The following TRHDE variants were observed in gnomAD, a reference collection of about 807,000 sequenced individuals.
The protein encoded by TRHDE is thyrotropin releasing hormone degrading enzyme.
In TRHDE, 72 loss-of-function variants were observed where a neutral mutation model predicts 125.7. That is an observed-to-expected ratio of 0.57 (90% confidence interval 0.47 to 0.70). The LOEUF is 0.70. Ranked by LOEUF, TRHDE falls within the 30% of genes least tolerant of loss-of-function variation. The probability of loss-of-function intolerance (pLI) is 0.00; values close to 1 mark genes in which losing one functional copy is unlikely to be tolerated. For synonymous variants in TRHDE, 509 were observed against 509.1 expected (o/e 1.00, Z 0.00); for missense variants, 1,110 against 1,327.1 (o/e 0.84, Z 2.54).
chr12:72,483,967 A>C (rs1342663356), intron 5 of TRHDE, among the ~76,000 whole-genome samples: 1 of 152,096 alleles, frequency 6.6e-6, no homozygotes, highest in Non-Finnish European at 1.5e-5. Flanking sequence ...TATTTATTTT[A>C]TAAATTAAAA....
intron 2 of TRHDE, among the ~76,000 whole-genome samples, chr12:72,138,367 G>A (rs978007504): frequency 1.3e-5 from 2 of 151,710 alleles, no homozygotes; most frequent in Non-Finnish European, 2.9e-5. Flanking sequence ...GCAAGACTCC[G>A]TTTCAAAAAA....
intron 15 of TRHDE, among the ~76,000 whole-genome samples, chr12:72,624,376 A>G (rs140784712): frequency 3.6e-4 from 54 of 152,098 alleles, no homozygotes; most frequent in African/African-American, 1.3e-3. Flanking sequence ...ACTAGAGGTA[A>G]TGTAGTAGTA....
intron 2 of TRHDE, among the ~76,000 whole-genome samples, chr12:72,179,086 G>A (rs1877045452): frequency 6.6e-6 from 1 of 152,086 alleles, no homozygotes; most frequent in Non-Finnish European, 1.5e-5. Flanking sequence ...GGTGACTGAT[G>A]TAATAAAAGC....
intron 5 of TRHDE, among the ~76,000 whole-genome samples, chr12:72,476,255 GC>G (rs1592473763): frequency 6.6e-6 from 1 of 152,102 alleles, no homozygotes; most frequent in Admixed American, 6.6e-5. Context: ...CTATTTGATT[GC>G]TTTTGCTTTT....
At chr12:72,227,753 T>TGGG (rs1252264189) in intron 2 of TRHDE, among the ~76,000 whole-genome samples, 1 of 152,112 alleles carries the variant, frequency 6.6e-6, no homozygotes, top group East Asian at 1.9e-4. Flanking sequence ...CTAGATACAA[T>TGGG]GGGGGTACAG....
chr12:72,605,325 T>C (rs1417062286), intron 12 of TRHDE, among the ~76,000 whole-genome samples: 1 of 152,134 alleles, frequency 6.6e-6, no homozygotes, highest in Non-Finnish European at 1.5e-5. Flanking sequence ...TAAAATAAGC[T>C]GTTAGCATTA....
At chr12:72,436,784 C>T (rs1345745947) in intron 3 of TRHDE, among the ~76,000 whole-genome samples, 3 of 151,726 alleles carry the variant, frequency 2.0e-5, no homozygotes, top group Admixed American at 6.6e-5. Flanking sequence ...TTGGTGCTTT[C>T]CAGGAAACAT....
chr12:72,454,193 T>C (rs1436053702), intron 3 of TRHDE, among the ~76,000 whole-genome samples: 12 of 152,058 alleles, frequency 7.9e-5, no homozygotes, highest in Admixed American at 6.6e-5. Flanking sequence ...TTTGTTTTTT[T>C]TTAAAAAAAA....
intron 2 of TRHDE, among the ~76,000 whole-genome samples, chr12:72,128,908 C>T (rs1031209609): frequency 6.6e-6 from 1 of 151,862 alleles, no homozygotes; most frequent in Non-Finnish European, 1.5e-5. Context: ...TTTAATGTAC[C>T]CTATAAACCC....
At chr12:72,167,645 A>G (rs902699526) in intron 2 of TRHDE, 7 of 152,232 alleles carry the variant, frequency 4.6e-5, no homozygotes, top group African/African-American at 1.7e-4. Context: ...AGACTCATTT[A>G]TGACAGCATG....
intron 15 of TRHDE, among the ~76,000 whole-genome samples, chr12:72,629,563 TG>T (rs1193871035): frequency 6.6e-6 from 1 of 151,774 alleles, no homozygotes; most frequent in Non-Finnish European, 1.5e-5. Context: ...TAGATTCACA[TG>T]GGCAACTAAG....
At chr12:72,460,460 T>C (rs947621212) in intron 3 of TRHDE, among the ~76,000 whole-genome samples, 1 of 152,176 alleles carries the variant, frequency 6.6e-6, no homozygotes, top group South Asian at 2.1e-4. Flanking sequence ...GTAACCCCCA[T>C]TGGTTTTTAA....
At chr12:72,444,161 C>T (rs12370814) in intron 3 of TRHDE, among the ~76,000 whole-genome samples, 35,037 of 151,680 alleles carry the variant, frequency 0.23, 4,868 homozygotes, top group East Asian at 0.35. Context: ...TTTAGTGCAC[C>T]CATCTTTTAG....
intron 2 of TRHDE, among the ~76,000 whole-genome samples, chr12:72,298,117 A>G (rs1353175112): frequency 6.6e-6 from 1 of 152,230 alleles, no homozygotes. Flanking sequence ...GAGTCTACAT[A>G]TTGAAGAGGC....
intron 12 of TRHDE, among the ~76,000 whole-genome samples, chr12:72,597,713 GTATATATATATATATATATATATA>G (rs762515309): frequency 0.078 from 1,441 of 18,504 alleles, 128 homozygotes; most frequent in Middle Eastern, 0.19. Context: ...GTGTGTGTAT[GTATATATATATATATATATATATA>G]TATATATATA....
chr12:72,432,730 G>A (rs1019563816), intron 3 of TRHDE, among the ~76,000 whole-genome samples: 1 of 152,140 alleles, frequency 6.6e-6, no homozygotes, highest in Non-Finnish European at 1.5e-5. Flanking sequence ...TCACAGTGGG[G>A]CATTAGGATT....
chr12:72,666,284 C>T lies in TRHDE; in HGVS notation c.*3089C>T. On this transcript the variant is annotated 3_prime_UTR_variant, in exon 19 of 19. Coordinates refer to ENST00000261180, the MANE Select transcript of TRHDE (RefSeq NM_013381.3). ...CAAAATAGGGCTGGGCACAGTGGCT[C>T]ATGCCTGTAATCCCAGCACTTTGGG... 1 of 152,158 alleles carries T rather than the reference C, an allele frequency of 6.6e-6. No homozygotes were observed. Among genetic ancestry groups the T allele is most frequent in the Non-Finnish European group, 1.5e-5 (1 of 68,096 alleles). The allele number at this position is 152,158 out of a possible 1,614,324, so 9.4% of individuals were successfully genotyped here.
chr12:72,583,049 A>G (rs554910406), intron 12 of TRHDE, among the ~76,000 whole-genome samples: 2 of 152,346 alleles, frequency 1.3e-5, no homozygotes, highest in Admixed American at 6.5e-5. Flanking sequence ...GTCATTGGAC[A>G]TGGAGAGAAG....
chr12:72,602,671 C>T (rs1872255571), intron 12 of TRHDE, among the ~76,000 whole-genome samples: 1 of 152,156 alleles, frequency 6.6e-6, no homozygotes, highest in Non-Finnish European at 1.5e-5. Flanking sequence ...TTCTAAATCA[C>T]CACAATGAGA....
Sources: allele counts gnomAD v4.1 joint callset (sites outside exome capture counted in the v4.1 genomes callset), GRCh38; gene constraint gnomAD v4.1.1; transcripts MANE v1.5; gene names NCBI Gene and HGNC (gene_info 2026-07-23, HGNC 2026-07-21).